The following SLC16A2 variants were observed in gnomAD, a reference collection of about 807,000 sequenced individuals.
SLC16A2 encodes monocarboxylate transporter 8.
A neutral mutation model predicts 27.2 loss-of-function variants in SLC16A2; 3 were observed. That is an observed-to-expected ratio of 0.11 (90% CI 0.05 to 0.28). SLC16A2 has a LOEUF of 0.28. Ranked by LOEUF, SLC16A2 falls within the 10% of genes least tolerant of loss-of-function variation. The pLI is 1.00. For synonymous variants in SLC16A2, 202 were observed against 187.8 expected (o/e 1.08, Z -0.62); for missense variants, 295 against 458.5 (o/e 0.64, Z 3.26).
intron 1 of SLC16A2, among the ~76,000 whole-genome samples, chrX:74,452,960 T>C (rs1449266169): frequency 9.0e-6 from 1 of 111,434 alleles, no homozygotes; most frequent in African/African-American, 3.3e-5. Context: ...CTCATTGAAC[T>C]TACAGTTGCC....
chrX:74,524,727 T>C lies in SLC16A2; in HGVS notation c.944T>C (p.Val315Ala), dbSNP rs754407281. ...CTCAGGAAGTACTTCAACATGCGAG[T>C]GTTCCGCCAACGCACTTACCGCATC... ...AQLRKYFNMR[V>A]FRQRTYRIWA... The change falls in exon 3 of 6, where the codon GTG becomes GCG. Residue 315 changes from valine to alanine, a missense_variant. By Grantham distance (64) the Val-to-Ala change is moderately conservative. This residue lies in a region of SLC16A2 where 144 missense variants were observed against 219.8 expected (regional missense o/e 0.66). Transcript: ENST00000587091. The C allele has an allele frequency of 1.7e-6, 2 of 1,211,352 alleles. No individual in the cohort carries two copies. Among genetic ancestry groups the C allele is most frequent in the South Asian group, 3.5e-5 (2 of 56,966 alleles).
chrX:74,519,540 C>T (rs745716260), intron 1 of SLC16A2, among the ~76,000 whole-genome samples: 302 of 102,991 alleles, frequency 2.9e-3, no homozygotes, highest in African/African-American at 9.8e-3. Flanking sequence ...AGTGAAACCC[C>T]GTCTCTACTA....
Position 74,483,706 on chromosome X carries a change from C to T in SLC16A2, c.431-37284C>T, listed in dbSNP as rs1033240834. Among the ~76,000 whole-genome samples the T allele has an allele frequency of 3.6e-5, 4 of 111,574 alleles. No individual in the cohort carries two copies. In the South Asian group the frequency reaches 1.2e-3, roughly 32 times the overall value. ...GCTTCTTTCTTCCAGAATGACACCCCTGCTCTATGAGCAGGGTGCTGGGCA... is the reference window on the plus strand; with the variant it reads ...GCTTCTTTCTTCCAGAATGACACCCTTGCTCTATGAGCAGGGTGCTGGGCA... On this transcript the variant is annotated intron_variant, in intron 1 of 5. Transcript: ENST00000587091.
chrX:74,487,409 G>A (rs1427304035), intron 1 of SLC16A2, among the ~76,000 whole-genome samples: 1 of 111,352 alleles, frequency 9.0e-6, no homozygotes, highest in African/African-American at 3.3e-5. Flanking sequence ...TATAGGGAGA[G>A]CTGGGTAGTC....
intron 1 of SLC16A2, among the ~76,000 whole-genome samples, chrX:74,458,776 T>C (rs1035455323): frequency 2.7e-5 from 3 of 111,716 alleles, no homozygotes; most frequent in African/African-American, 9.8e-5. Flanking sequence ...TATTTCCCCA[T>C]TCCCCACAAC....
chrX:74,476,980 A>G (rs1157301693), intron 1 of SLC16A2: 1 of 111,981 alleles, frequency 8.9e-6, no homozygotes, highest in Non-Finnish European at 1.9e-5. Flanking sequence ...TATCAGAATG[A>G]TGCTGGCCTC....
At chrX:74,474,489 T>TA (rs911535571) in intron 1 of SLC16A2, among the ~76,000 whole-genome samples, 10 of 110,125 alleles carry the variant, frequency 9.1e-5, no homozygotes, top group African/African-American at 3.3e-4. Flanking sequence ...TTTTTTTTTT[T>TA]TTATTATACT....
At chrX:74,451,380 A>T (rs1458811065) in intron 1 of SLC16A2, among the ~76,000 whole-genome samples, 2 of 112,431 alleles carry the variant, frequency 1.8e-5, no homozygotes, top group Non-Finnish European at 3.7e-5. Flanking sequence ...TCCTTGACAC[A>T]TACAGTTAGG....
chrX:74,425,804 G>A (rs1019578254), intron 1 of SLC16A2, among the ~76,000 whole-genome samples: 8 of 111,586 alleles, frequency 7.2e-5, no homozygotes, highest in Non-Finnish European at 1.3e-4. Flanking sequence ...CTTGACTGCC[G>A]GTCCACCATT....
chrX:74,462,877 C>A (rs1223400239), intron 1 of SLC16A2, among the ~76,000 whole-genome samples: 1 of 111,756 alleles, frequency 8.9e-6, no homozygotes, highest in Non-Finnish European at 1.9e-5. Context: ...GAAACACTGC[C>A]CACAGACTCA....
intron 2 of SLC16A2, among the ~76,000 whole-genome samples, chrX:74,522,881 T>C: frequency 8.9e-6 from 1 of 111,866 alleles, no homozygotes; most frequent in Non-Finnish European, 1.9e-5. Flanking sequence ...CTCCAAATCA[T>C]CCTTCCTGTT....
intron 1 of SLC16A2, among the ~76,000 whole-genome samples, chrX:74,457,021 T>C (rs1929051491): frequency 9.0e-6 from 1 of 111,156 alleles, no homozygotes; most frequent in Non-Finnish European, 1.9e-5. Flanking sequence ...CATCTCTCTC[T>C]ACTTCCTATC....
chrX:74,471,721 T>C (rs517624), intron 1 of SLC16A2, among the ~76,000 whole-genome samples: 40,678 of 110,361 alleles, frequency 0.37, 7,885 homozygotes, highest in East Asian at 0.86. Context: ...AGTACATTTA[T>C]GTTCTTGTGC....
At chrX:74,513,582 T>G (rs1930268622) in intron 1 of SLC16A2, among the ~76,000 whole-genome samples, 1 of 112,193 alleles carries the variant, frequency 8.9e-6, no homozygotes, top group Admixed American at 9.5e-5. Context: ...TCTTCTTTTT[T>G]AATACAGTCA....
intron 1 of SLC16A2, among the ~76,000 whole-genome samples, chrX:74,448,108 C>T (rs188979411): frequency 8.1e-5 from 9 of 111,528 alleles, no homozygotes; most frequent in Non-Finnish European, 1.3e-4. Context: ...TCCATCCCAA[C>T]GGTTCCCAAC....
At chrX:74,434,495 G>A (rs1928586348) in intron 1 of SLC16A2, among the ~76,000 whole-genome samples, 1 of 111,062 alleles carries the variant, frequency 9.0e-6, no homozygotes, top group African/African-American at 3.3e-5. Flanking sequence ...GGAGGGGCAG[G>A]AGGAGAGGAA....
At chrX:74,453,790 G>A (rs1928989309) in intron 1 of SLC16A2, among the ~76,000 whole-genome samples, 2 of 110,973 alleles carry the variant, frequency 1.8e-5, no homozygotes, top group Admixed American at 1.9e-4. Context: ...ACACCCAGTC[G>A]GCACGAGGTG....
intron 1 of SLC16A2, among the ~76,000 whole-genome samples, chrX:74,517,818 C>T (rs758693084): frequency 8.9e-6 from 1 of 111,889 alleles, no homozygotes; most frequent in Non-Finnish European, 1.9e-5. Flanking sequence ...ATCCCTCCTC[C>T]TGCCACCTAC....
At chrX:74,441,152 G>A (rs1035657455) in intron 1 of SLC16A2, among the ~76,000 whole-genome samples, 3 of 110,201 alleles carry the variant, frequency 2.7e-5, no homozygotes, top group Non-Finnish European at 5.7e-5. Context: ...CCGCCTCCCC[G>A]GTTCACGCCA....
Sources: allele counts gnomAD v4.1 joint callset (sites outside exome capture counted in the v4.1 genomes callset), GRCh38; gene constraint gnomAD v4.1.1; regional missense constraint gnomAD v4.1.1; transcripts MANE v1.5; gene names NCBI Gene and HGNC (gene_info 2026-07-23, HGNC 2026-07-21).